The following VIT variants were observed in gnomAD, a reference collection of about 807,000 sequenced individuals.
VIT encodes vitrin.
Under a neutral mutation model 78.0 loss-of-function variants are expected in VIT, and 99 were observed. The ratio of observed to expected loss-of-function variants is 1.27; its 90% CI spans 1.08 to 1.50. The LOEUF is 1.50. VIT is among the 40% of genes most tolerant of loss of function. The probability of loss-of-function intolerance (pLI) is 0.00; values close to 1 mark genes in which losing one functional copy is unlikely to be tolerated. For missense variants in VIT, 1,126 were observed against 875.3 expected, an observed-to-expected ratio of 1.29 and a Z score of -3.61; for synonymous variants, 374 against 334.3, an observed-to-expected ratio of 1.12 and a Z score of -1.29.
intron 9 of VIT, 122 bp from the exon 10 acceptor site, chr2:36,781,605 C>T: frequency 9.1e-7 from 1 of 1,095,200 alleles, no homozygotes; most frequent in East Asian, 2.5e-5. Flanking sequence ...TTCTGGCCCT[C>T]TGTTCCTTTA....
intron 6 of VIT, among the ~76,000 whole-genome samples, chr2:36,760,120 G>A (rs1031137731): frequency 2.6e-5 from 4 of 151,434 alleles, no homozygotes; most frequent in African/African-American, 9.7e-5. Context: ...TCAGCCTCCC[G>A]AGTAGCTGTG....
At chr2:36,812,004 C>T (rs1165292073) in intron 15 of VIT, among the ~76,000 whole-genome samples, 3 of 152,088 alleles carry the variant, frequency 2.0e-5, no homozygotes, top group Admixed American at 1.3e-4. Flanking sequence ...ATACTGTTTG[C>T]GTAGTTTTTT....
chr2:36,734,321 C>G (rs1343244166), intron 3 of VIT, among the ~76,000 whole-genome samples: 1 of 152,136 alleles, frequency 6.6e-6, no homozygotes, highest in Non-Finnish European at 1.5e-5. Context: ...TCAAGACTCA[C>G]AATCTTCACA....
intron 4 of VIT, among the ~76,000 whole-genome samples, chr2:36,748,404 CTG>C (rs1383680551): frequency 1.3e-5 from 2 of 152,176 alleles, no homozygotes; most frequent in African/African-American, 4.8e-5. Context: ...TTACATAAGT[CTG>C]TATTTCTCAG....
chr2:36,797,725 A>T (rs907595898), intron 12 of VIT, among the ~76,000 whole-genome samples: 1 of 152,154 alleles, frequency 6.6e-6, no homozygotes, highest in Non-Finnish European at 1.5e-5. Flanking sequence ...AGTTGATGAA[A>T]TCTCCCAGGG....
At chr2:36,773,053 T>C (rs1055345985) in intron 7 of VIT, among the ~76,000 whole-genome samples, 1 of 152,232 alleles carries the variant, frequency 6.6e-6, no homozygotes, top group Non-Finnish European at 1.5e-5. Context: ...GATAACCCAT[T>C]GTGTACCTCT....
At chr2:36,770,647 G>C (rs1027484650) in intron 7 of VIT, among the ~76,000 whole-genome samples, 10 of 152,176 alleles carry the variant, frequency 6.6e-5, no homozygotes, top group African/African-American at 2.4e-4. Context: ...GCATCAGAGG[G>C]GGAAGCCGGG....
At chr2:36,813,076 G>C (rs1049167021) in intron 15 of VIT, among the ~76,000 whole-genome samples, 2 of 148,042 alleles carry the variant, frequency 1.4e-5, no homozygotes, top group Admixed American at 1.3e-4. Flanking sequence ...TTGTGACCTC[G>C]TGATCCACCC....
At chr2:36,734,355 A>C (rs17019646) in intron 3 of VIT, among the ~76,000 whole-genome samples, 6,727 of 152,192 alleles carry the variant, frequency 0.044, 405 homozygotes, top group African/African-American at 0.13. Flanking sequence ...AAGTGAAATA[A>C]CAAGGAGAAG....
intron 4 of VIT, among the ~76,000 whole-genome samples, chr2:36,744,652 C>A (rs185096556): frequency 1.3e-5 from 2 of 152,164 alleles, no homozygotes; most frequent in African/African-American, 4.8e-5. Context: ...GTGTCCTTTG[C>A]CCACTTTTTA....
At chr2:36,787,345 T>G in intron 12 of VIT, 69 bp downstream of exon 12, 1 of 1,546,972 alleles carries the variant, frequency 6.5e-7, no homozygotes, top group Non-Finnish European at 8.8e-7. Flanking sequence ...TGCCACGTGC[T>G]TAATTTTATG....
intron 3 of VIT, among the ~76,000 whole-genome samples, chr2:36,735,913 G>A (rs1667483672): frequency 2.0e-5 from 3 of 152,200 alleles, no homozygotes; most frequent in Admixed American, 2.0e-4. Flanking sequence ...GGGAAAACAT[G>A]AGCCTGTCTA....
intron 3 of VIT, among the ~76,000 whole-genome samples, chr2:36,729,930 A>C (rs1009934742): frequency 6.6e-6 from 1 of 152,160 alleles, no homozygotes; most frequent in African/African-American, 2.4e-5. Context: ...GCAATTTCAC[A>C]CCCAATCAAT....
At chr2:36,704,324 T>C (rs144602152) in intron 1 of VIT, among the ~76,000 whole-genome samples, 2 of 152,154 alleles carry the variant, frequency 1.3e-5, no homozygotes, top group African/African-American at 4.8e-5. Flanking sequence ...GACAATTAAG[T>C]AAAATCACCT....
intron 1 of VIT, among the ~76,000 whole-genome samples, chr2:36,709,442 G>C (rs751897673): frequency 2.6e-5 from 4 of 152,192 alleles, no homozygotes; most frequent in Non-Finnish European, 4.4e-5. Context: ...TATATGTTCA[G>C]CAAATGTTAG....
At chr2:36,726,068 CAAA>C (rs201797565) in intron 2 of VIT, among the ~76,000 whole-genome samples, 3 of 100,850 alleles carry the variant, frequency 3.0e-5, no homozygotes, top group Non-Finnish European at 2.2e-5. Flanking sequence ...GACTCTGTCT[CAAA>C]AAAAAAAAAA....
At chr2:36,713,380 A>G (rs1665924059) in intron 1 of VIT, among the ~76,000 whole-genome samples, 1 of 152,220 alleles carries the variant, frequency 6.6e-6, no homozygotes, top group Non-Finnish European at 1.5e-5. Context: ...ACTGAGCAGG[A>G]GAATCGTGAG....
intron 15 of VIT, among the ~76,000 whole-genome samples, chr2:36,812,397 C>T (rs980569311): frequency 6.6e-6 from 1 of 151,774 alleles, no homozygotes; most frequent in Non-Finnish European, 1.5e-5. Context: ...CTCAGACCAG[C>T]CTGAAGGTGG....
chr2:36,805,386 G>C (rs75212718), intron 13 of VIT, 52 bp from the exon 14 acceptor site: 67,024 of 1,519,048 alleles, frequency 0.044, 1,731 homozygotes, highest in Middle Eastern at 0.12. Flanking sequence ...ATCTCTTCCT[G>C]TATTTATAAT....
Sources: gnomAD v4.1 joint callset for allele counts (sites outside exome capture counted in the v4.1 genomes callset) on GRCh38, gnomAD v4.1.1 for gene constraint, MANE v1.5 for transcripts, NCBI Gene and HGNC (gene_info 2026-07-23, HGNC 2026-07-21) for gene names.